The following DEFB109B variants were observed in gnomAD, a reference collection of about 807,000 sequenced individuals.
DEFB109B encodes defensin beta 109B.
At chr8:7,311,942 G>T (rs1802629960), upstream of DEFB109B, among the ~76,000 whole-genome samples, 1 of 122,672 alleles carries the variant, frequency 8.2e-6, no homozygotes, top group Non-Finnish European at 1.5e-5. Context: ...AAGCTCTTTT[G>T]TGATTTCATT....
upstream of DEFB109B, among the ~76,000 whole-genome samples, chr8:7,312,559 T>C (rs567163802): frequency 1.6e-4 from 23 of 145,222 alleles, no homozygotes; most frequent in Admixed American, 4.6e-4. Context: ...TCAATGATTA[T>C]TGCATATGCA....
At chr8:7,319,289 C>G (rs1803159831) in intron 1 of DEFB109B, 1 of 137,438 alleles carries the variant, frequency 7.3e-6, no homozygotes, top group African/African-American at 3.4e-5. Context: ...AAAAAAATAG[C>G]CATATAGAAA....
upstream of DEFB109B, among the ~76,000 whole-genome samples, chr8:7,309,557 C>T (rs957065737): frequency 2.0e-5 from 3 of 147,502 alleles, no homozygotes; most frequent in East Asian, 5.8e-4. Flanking sequence ...TAAATTAGAA[C>T]TTAAACACAA....
At chr8:7,316,679 T>A (rs1206506736) in intron 1 of DEFB109B, among the ~76,000 whole-genome samples, 1 of 144,548 alleles carries the variant, frequency 6.9e-6, no homozygotes, top group Non-Finnish European at 1.5e-5. Flanking sequence ...GAGGCTGGAA[T>A]GCAGTGTTGC....
At position 7,313,499 on chromosome 8, in the gene DEFB109B, G is replaced by A. The variant is rs1248668832; in HGVS notation, n.58+596G>A. ...TTTTATGTGGTTATGAATAAAAAAT[G>A]ATTTTCAAAGTGCAACTGAAGAGTA... is the stretch of plus-strand genomic sequence containing the variant. On this transcript the variant is annotated intron_variant and non_coding_transcript_variant, in intron 1 of 1. Coordinates refer to ENST00000382656, the Ensembl canonical transcript of DEFB109B. Among the ~76,000 whole-genome samples the A allele has an allele frequency of 3.6e-5, 5 of 140,722 alleles. No homozygotes were observed. The East Asian group carries it at 1.0e-3, about 28-fold the overall frequency. 92.3% of individuals were successfully genotyped at this position (140,722 alleles called of 152,430 possible). A position where few individuals can be genotyped will look rare whatever the true frequency, so the allele number is the denominator to read the frequency against.
chr8:7,319,322 A>T (rs1803162791), intron 1 of DEFB109B: 1 of 145,150 alleles, frequency 6.9e-6, no homozygotes, highest in Non-Finnish European at 1.5e-5. Context: ...AAATCAGCAT[A>T]CCTGAGATGC....
At chr8:7,312,887 A>T (rs1802696294) in exon 1 of DEFB109B, 1 of 131,554 alleles carries the variant, frequency 7.6e-6, no homozygotes, top group Admixed American at 7.1e-5. Context: ...TTCTTTTTTC[A>T]ATTCTCTTAT....
chr8:7,315,269 G>C (rs1802829604), intron 1 of DEFB109B, among the ~76,000 whole-genome samples: 1 of 126,344 alleles, frequency 7.9e-6, no homozygotes, highest in Non-Finnish European at 1.5e-5. Context: ...TGTAATCCCA[G>C]CACTTTGGGA....
intron 1 of DEFB109B, chr8:7,318,973 GA>G (rs1287457159): frequency 2.7e-5 from 4 of 146,212 alleles, no homozygotes; most frequent in Non-Finnish European, 5.9e-5. Context: ...AATTAAAGTA[GA>G]TAGATCAAAT....
At chr8:7,309,714 C>T (rs1365723110), upstream of DEFB109B, among the ~76,000 whole-genome samples, 3 of 144,350 alleles carry the variant, frequency 2.1e-5, no homozygotes, top group East Asian at 2.0e-4. Flanking sequence ...GATCAGGCAT[C>T]CTAAGTAGAT....
downstream of DEFB109B, chr8:7,319,980 AG>A (rs570907338): frequency 5.3e-3 from 288 of 54,844 alleles, 17 homozygotes; most frequent in African/African-American, 0.032. Flanking sequence ...ATACATCAAA[AG>A]TGAAGTTATT....
chr8:7,309,598 C>A (rs1276701574), upstream of DEFB109B, among the ~76,000 whole-genome samples: 1 of 147,846 alleles, frequency 6.8e-6, no homozygotes, highest in Non-Finnish European at 1.5e-5. Context: ...ACAGAGCATG[C>A]CCTTCTGCAT....
At chr8:7,315,883 C>A (rs1802888205) in intron 1 of DEFB109B, among the ~76,000 whole-genome samples, 1 of 131,350 alleles carries the variant, frequency 7.6e-6, no homozygotes, top group Non-Finnish European at 1.5e-5. Flanking sequence ...AGGGCAAGAG[C>A]ATTTTTCTAT....
chr8:7,315,837 C>A lies in DEFB109B; in HGVS notation n.58+2934C>A, dbSNP rs572118659. On this transcript the variant is annotated intron_variant and non_coding_transcript_variant, in intron 1 of 1. Coordinates refer to ENST00000382656, the Ensembl canonical transcript of DEFB109B. Reference sequence around the variant, plus strand: ...TCAGCTCTGTCTTTTAAAATGAAATCTATGATCTATAGATTATCCAGCTTA... The same window carrying A: ...TCAGCTCTGTCTTTTAAAATGAAATATATGATCTATAGATTATCCAGCTTA... Among the ~76,000 whole-genome samples the A allele has an allele frequency of 1.1e-3, 154 of 143,754 alleles. 5 individuals are homozygous for A. Among genetic ancestry groups the A allele is most frequent in the Admixed American group, 4.2e-3 (62 of 14,896 alleles). The allele number at this position is 143,754 out of a possible 152,430, so 94.3% of individuals were successfully genotyped here. A position where few individuals can be genotyped will look rare whatever the true frequency, so the allele number is the denominator to read the frequency against.
chr8:7,315,840 T>C (rs2128806122), intron 1 of DEFB109B, among the ~76,000 whole-genome samples: 1 of 143,844 alleles, frequency 7.0e-6, no homozygotes, highest in Non-Finnish European at 1.5e-5. Flanking sequence ...ATGAAATCTA[T>C]GATCTATAGA....
upstream of DEFB109B, among the ~76,000 whole-genome samples, chr8:7,312,408 T>TGGATATTGGTGTGGTAACA (rs1227073529): frequency 1.4e-5 from 2 of 138,898 alleles, no homozygotes; most frequent in Non-Finnish European, 3.0e-5. Flanking sequence ...TATTATTACC[T>TGGATATTGGTGTGGTAACA]GGATATTGGT....
chr8:7,313,599 A>T (rs1802750192), intron 1 of DEFB109B, among the ~76,000 whole-genome samples: 1 of 145,410 alleles, frequency 6.9e-6, no homozygotes, highest in Admixed American at 6.6e-5. Context: ...TGCTCAAGGT[A>T]TATTACAGGT....
chr8:7,316,762 G>A (rs1403208089), intron 1 of DEFB109B, among the ~76,000 whole-genome samples: 3 of 141,070 alleles, frequency 2.1e-5, no homozygotes, highest in Non-Finnish European at 4.4e-5. Flanking sequence ...GAGTAGCTGG[G>A]ACTACAAGTG....
chr8:7,311,897 C>G (rs1802627598), upstream of DEFB109B, among the ~76,000 whole-genome samples: 1 of 98,432 alleles, frequency 1.0e-5, no homozygotes, highest in Non-Finnish European at 1.8e-5. Flanking sequence ...AACTTGAATT[C>G]TTACAAATAA....
Sources: allele counts gnomAD v4.1 joint callset (sites outside exome capture counted in the v4.1 genomes callset), GRCh38; gene constraint gnomAD v4.1.1; transcripts MANE v1.5; gene names NCBI Gene and HGNC (gene_info 2026-07-23, HGNC 2026-07-21).